Variants in DCBLD2 observed in about 807,000 individuals in gnomAD.
DCBLD2 encodes discoidin, CUB and LCCL domain containing 2.
A neutral mutation model predicts 86.8 loss-of-function variants in DCBLD2; 54 were observed. The ratio of observed to expected loss-of-function variants is 0.62; its 90% CI spans 0.50 to 0.78. DCBLD2 has a LOEUF of 0.78. Among genes scored for constraint, DCBLD2 ranks in the 30% least tolerant of loss-of-function variants. The probability of loss-of-function intolerance (pLI) is 0.00; values close to 1 mark genes in which losing one functional copy is unlikely to be tolerated. For missense variants in DCBLD2, 908 were observed against 954.2 expected, an observed-to-expected ratio of 0.95 and a Z score of 0.64; for synonymous variants, 354 against 341.3, an observed-to-expected ratio of 1.04 and a Z score of -0.41.
At chr3:98,890,097 T>C (rs942641177) in intron 1 of DCBLD2, among the ~76,000 whole-genome samples, 12 of 152,066 alleles carry the variant, frequency 7.9e-5, no homozygotes, top group Non-Finnish European at 1.5e-4. Context: ...TGTTGCGGGT[T>C]GAATTGTGTC....
intron 3 of DCBLD2, among the ~76,000 whole-genome samples, chr3:98,832,221 G>A (rs1028835116): frequency 2.0e-5 from 3 of 152,072 alleles, no homozygotes; most frequent in Non-Finnish European, 2.9e-5. Context: ...AGCTTTGTTC[G>A]TTTAAAGTCT....
At chr3:98,833,042 T>TC (rs1210334439) in intron 3 of DCBLD2, among the ~76,000 whole-genome samples, 11 of 152,362 alleles carry the variant, frequency 7.2e-5, no homozygotes, top group African/African-American at 2.6e-4. Context: ...GTTTGCTTTC[T>TC]CCCCATCCAA....
At chr3:98,808,676 T>A (rs1941882923) in intron 12 of DCBLD2, among the ~76,000 whole-genome samples, 1 of 152,150 alleles carries the variant, frequency 6.6e-6, no homozygotes, top group African/African-American at 2.4e-5. Flanking sequence ...AAATACTACT[T>A]TTGCTAATCA....
chr3:98,873,019 A>C (rs1943306120), intron 2 of DCBLD2, among the ~76,000 whole-genome samples: 1 of 152,188 alleles, frequency 6.6e-6, no homozygotes, highest in East Asian at 1.9e-4. Flanking sequence ...ATGGGCACAG[A>C]CAGACACAGC....
chr3:98,881,742 T>C lies in DCBLD2; in HGVS notation c.231A>G (p.Leu77=). 1 of 1,613,802 alleles carries C rather than the reference T, an allele frequency of 6.2e-7. No individual in the cohort carries two copies. The highest frequency in any genetic ancestry group is 2.2e-5 in the East Asian group (1 of 44,866). The change falls in exon 2 of 16, where the codon CTA becomes CTG. Residue 77 remains leucine (L), a synonymous_variant. Transcript: ENST00000326840. ...ATGTAAGGGTTCCACTCTCAGGGCC[T>C]AGTACAGTGTGTCCACATCCATCAC... ...QQGDGCGHTV[L]GPESGTLTSI... is the part of the protein sequence containing the mutation.
intron 2 of DCBLD2, among the ~76,000 whole-genome samples, chr3:98,868,038 T>C (rs7626395): frequency 0.97 from 147,740 of 152,076 alleles, 71,925 homozygotes; most frequent in East Asian, 1. Context: ...CTCCTGACCT[T>C]GTGATCTGCC....
intron 3 of DCBLD2, among the ~76,000 whole-genome samples, chr3:98,827,936 A>T (rs906308220): frequency 1.3e-5 from 2 of 152,218 alleles, no homozygotes; most frequent in Non-Finnish European, 2.9e-5. Context: ...ATTTATAGTC[A>T]ACTGAGTTTC....
chr3:98,811,317 G>C lies in DCBLD2; in HGVS notation c.1453C>G (p.Arg485Gly). The change falls in exon 12 of 16, where the codon CGT becomes GGT. Residue 485 changes from arginine (R) to glycine (G), a missense_variant and splice_region_variant. By Grantham distance (125) the Arg-to-Gly change is moderately radical. Transcript: ENST00000326840. ...TTAPPKIAKGRAPKFTQPLQP... is the reference protein window; with the variant it reads ...TTAPPKIAKGGAPKFTQPLQP... Reference sequence around the variant, plus strand: ...AGTGGTTGCGTAAATTTTGGGGCACGACCTTTAAAAAAGTTTCAAAAGCTC... The same window carrying C: ...AGTGGTTGCGTAAATTTTGGGGCACCACCTTTAAAAAAGTTTCAAAAGCTC... The C allele has an allele frequency of 2.5e-6, 4 of 1,610,500 alleles. No homozygotes were observed. Among genetic ancestry groups the C allele is most frequent in the Non-Finnish European group, 3.4e-6 (4 of 1,178,870 alleles).
At chr3:98,840,099 G>C (rs979206040) in intron 3 of DCBLD2, among the ~76,000 whole-genome samples, 1 of 152,260 alleles carries the variant, frequency 6.6e-6, no homozygotes, top group Middle Eastern at 3.4e-3. Context: ...TTGGTAGAGT[G>C]AGATGAAACT....
chr3:98,804,488 A>G (rs1220403790), intron 13 of DCBLD2, among the ~76,000 whole-genome samples: 1 of 152,060 alleles, frequency 6.6e-6, no homozygotes, highest in African/African-American at 2.4e-5. Flanking sequence ...TGATCTTTTC[A>G]AAAAACCAGC....
intron 11 of DCBLD2, 68 bp from the exon 12 acceptor site, chr3:98,811,387 GATA>G: frequency 6.2e-7 from 1 of 1,611,712 alleles, no homozygotes; most frequent in Non-Finnish European, 8.5e-7. Flanking sequence ...AAACTTATTT[GATA>G]ATGCTTTTAA....
chr3:98,800,995 A>G (rs1190582562), intron 14 of DCBLD2, among the ~76,000 whole-genome samples: 1 of 150,278 alleles, frequency 6.7e-6, no homozygotes, highest in Non-Finnish European at 1.5e-5. Context: ...CCTTAATTAC[A>G]TTTTTCCCAA....
intron 2 of DCBLD2, among the ~76,000 whole-genome samples, chr3:98,880,693 T>C (rs1483569608): frequency 1.3e-5 from 2 of 152,182 alleles, no homozygotes; most frequent in South Asian, 2.1e-4. Context: ...ATATATTATA[T>C]CTTAGGTGCT....
At chr3:98,825,115 C>T (rs1392846146) in intron 4 of DCBLD2, among the ~76,000 whole-genome samples, 200 bp downstream of exon 4, 3 of 151,984 alleles carry the variant, frequency 2.0e-5, no homozygotes, top group African/African-American at 7.2e-5. Flanking sequence ...GATCTAAATG[C>T]TACAATAAAA....
intron 3 of DCBLD2, among the ~76,000 whole-genome samples, chr3:98,842,390 A>G (rs1418172383): frequency 6.6e-6 from 1 of 152,188 alleles, no homozygotes; most frequent in African/African-American, 2.4e-5. Context: ...TGCTCCTATT[A>G]TAGGAATCTG....
chr3:98,888,204 T>C (rs1032303147), intron 1 of DCBLD2, among the ~76,000 whole-genome samples: 3 of 151,998 alleles, frequency 2.0e-5, no homozygotes, highest in African/African-American at 7.2e-5. Flanking sequence ...TGCACATGCA[T>C]TCAGAGTCCA....
chr3:98,898,597 G>A (rs1397904260), intron 1 of DCBLD2, among the ~76,000 whole-genome samples: 1 of 151,988 alleles, frequency 6.6e-6, no homozygotes, highest in Non-Finnish European at 1.5e-5. Context: ...TTCTTATAGA[G>A]TAAAAACTCT....
chr3:98,850,525 A>C (rs1942816777), intron 2 of DCBLD2, among the ~76,000 whole-genome samples: 1 of 152,218 alleles, frequency 6.6e-6, no homozygotes, highest in Non-Finnish European at 1.5e-5. Context: ...AGATAAAAAG[A>C]AAGAAGAAGA....
rs965851347 is a variant in DCBLD2 at position 98,842,486 on chromosome 3, C to A, written c.571+6975G>T. Among the ~76,000 whole-genome samples the A allele has an allele frequency of 7.9e-5, 12 of 152,146 alleles. No homozygotes were observed. The South Asian group carries it at 2.5e-3, about 32-fold the overall frequency. ...AACATAATTTATAGTGATTCAGAGC[C>A]AATTAACATTTACTAAGTACCAGAC... On this transcript the variant is annotated intron_variant, in intron 3 of 15. Transcript: ENST00000326840.
Sources: gnomAD v4.1 joint callset for allele counts (sites outside exome capture counted in the v4.1 genomes callset) on GRCh38, gnomAD v4.1.1 for gene constraint, MANE v1.5 for transcripts, NCBI Gene and HGNC (gene_info 2026-07-23, HGNC 2026-07-21) for gene names.